Variants in RIMS3 observed in about 807,000 individuals in gnomAD.
The protein encoded by RIMS3 is regulating synaptic membrane exocytosis 3.
RIMS3 carries 15 observed loss-of-function variants against 29.2 expected under a neutral mutation model. The ratio of observed to expected loss-of-function variants is 0.51; its 90% confidence interval spans 0.34 to 0.79. RIMS3 has a LOEUF of 0.79. Ranked by LOEUF, RIMS3 falls within the 30% of genes least tolerant of loss-of-function variation. RIMS3 has a pLI of 0.01. For synonymous variants in RIMS3, 161 were observed against 170.1 expected (o/e 0.95, Z 0.41); for missense variants, 342 against 421.4 (o/e 0.81, Z 1.65).
Position 40,626,745 on chromosome 1 carries a change from G to C in RIMS3, c.715-16C>G, listed in dbSNP as rs770053981. 83 of 1,612,922 alleles carry C rather than the reference G, an allele frequency of 5.1e-5. 1 individual carries two copies. In the South Asian group the frequency reaches 8.6e-4, roughly 17 times the overall value. On this transcript the variant is annotated splice_polypyrimidine_tract_variant and intron_variant, in intron 7 of 7. Coordinates refer to ENST00000372684, the MANE Select transcript of RIMS3 (RefSeq NM_014747.3). The stretch of plus-strand genomic sequence containing the variant: ...AGACGATCACCTGCCAGGAGGAAGA[G>C]AGGGAGGGAGTGAGCCACCTCCCTG...
chr1:40,628,000 C>T (rs891812426), intron 7 of RIMS3, among the ~76,000 whole-genome samples: 4 of 152,186 alleles, frequency 2.6e-5, no homozygotes, highest in African/African-American at 9.7e-5. Flanking sequence ...GCCCAGACAG[C>T]CCCTGGCTCT....
chr1:40,670,615 A>G (rs1206006002), upstream of RIMS3, among the ~76,000 whole-genome samples: 16 of 47,794 alleles, frequency 3.3e-4, no homozygotes, highest in Admixed American at 4.0e-3. Context: ...TATATTTGAG[A>G]TGGAGTCTCA....
rs147027593 is a variant in RIMS3, at chr1:40,641,738, C to T, written c.188G>A (p.Ser63Asn). 2.5e-5 allele frequency: 40 copies of T among 1,614,032 alleles called. No homozygotes were observed. Among genetic ancestry groups the T allele is most frequent in the African/African-American group, 8.0e-5 (6 of 74,942 alleles). Residue 63 changes from serine (S) to asparagine (N), a missense_variant, in exon 3 of 8, where the codon AGC (serine) becomes AAC (asparagine). Ser to Asn is a conservative substitution (Grantham distance 46, BLOSUM62 1). Coordinates refer to ENST00000372684, the MANE Select transcript of RIMS3 (RefSeq NM_014747.3). ...MVAIVGLTQWSKSTLQLPQPE... is the reference protein window; with the variant it reads ...MVAIVGLTQWNKSTLQLPQPE... ...CTGCGGAAGCTGGAGTGTGCTCTTG[C>T]TCCACTGAGTCAGGCCCACGATGGC...
rs1642237887 is a variant in RIMS3 at position 40,654,193 on chromosome 1, G to A, written c.-206-6351C>T. ...CCCGCCCCTCCCCCGCGCCGCTGAC[G>A]AGGCCGGATCAATATTTCATGGGGG... is the stretch of plus-strand genomic sequence containing the variant. On this transcript the variant is annotated intron_variant, in intron 1 of 7. Coordinates refer to ENST00000372684, the MANE Select transcript of RIMS3 (RefSeq NM_014747.3). The surrounding 1 kb of genome is among the most constrained non-coding windows in gnomAD (Gnocchi z 5.3). 7.3e-6 allele frequency among the ~76,000 whole-genome samples: 1 copy of A among 136,760 alleles called. No homozygotes were observed. The highest frequency in any genetic ancestry group is 2.7e-5 in the African/African-American group (1 of 37,038). 89.7% of individuals were successfully genotyped at this position (136,760 alleles called of 152,430 possible).
At chr1:40,637,494 T>TCACACACACACA (rs1646527852) in intron 3 of RIMS3, among the ~76,000 whole-genome samples, 1 of 151,454 alleles carries the variant, frequency 6.6e-6, no homozygotes, top group African/African-American at 2.4e-5. Flanking sequence ...TCTGTCTCTC[T>TCACACACACACA]CATACACACA....
rs1481609717 is a variant in RIMS3 at position 40,654,091 on chromosome 1, C to A, written c.-206-6249G>T. 6.6e-6 allele frequency among the ~76,000 whole-genome samples: 1 copy of A among 151,844 alleles called. No homozygotes were observed. Among genetic ancestry groups the A allele is most frequent in the Non-Finnish European group, 1.5e-5 (1 of 67,930 alleles). On this transcript the variant is annotated intron_variant, in intron 1 of 7. Transcript: ENST00000372684. This position sits in a 1 kb window ranked among gnomAD's most constrained non-coding sequence, Gnocchi z 5.3. ...GGAGACACGGCAGTACCACGGACAG[C>A]GGCTGGCGACTCGCTCCCAGTCCCT...
intron 3 of RIMS3, among the ~76,000 whole-genome samples, chr1:40,640,663 C>T (rs1015488963): frequency 6.6e-6 from 1 of 152,152 alleles, no homozygotes; most frequent in African/African-American, 2.4e-5. Flanking sequence ...GTGAGGAGGT[C>T]TTGGTGGGGA....
Position 40,661,582 on chromosome 1 carries a change from C to A in RIMS3, c.-207+3812G>T, listed in dbSNP as rs573397491. ...AAACCAGCCCTGCTCCCACCCCCAGCCAGCCCTGGGCCCGGCCCAGAGTTG... is the reference window on the plus strand; with the variant it reads ...AAACCAGCCCTGCTCCCACCCCCAGACAGCCCTGGGCCCGGCCCAGAGTTG... On this transcript the variant is annotated intron_variant, in intron 1 of 7. Transcript: ENST00000372684. Among the ~76,000 whole-genome samples, 17 of 152,328 alleles carry A rather than the reference C, an allele frequency of 1.1e-4. No homozygotes were observed. The East Asian group carries it at 2.9e-3, about 26-fold the overall frequency.
At chr1:40,644,090 C>T (rs1646579123) in intron 2 of RIMS3, among the ~76,000 whole-genome samples, 1 of 152,130 alleles carries the variant, frequency 6.6e-6, no homozygotes. Flanking sequence ...CTCTCTCTGT[C>T]CTTCTCTTTC....
At chr1:40,664,640 C>T (rs1370703668) in intron 1 of RIMS3, among the ~76,000 whole-genome samples, 1 of 152,130 alleles carries the variant, frequency 6.6e-6, no homozygotes, top group Non-Finnish European at 1.5e-5. Context: ...TATGCCATTG[C>T]CCACCCCATT....
chr1:40,653,066 C>T (rs1642214494), intron 1 of RIMS3, among the ~76,000 whole-genome samples: 1 of 152,184 alleles, frequency 6.6e-6, no homozygotes, highest in Non-Finnish European at 1.5e-5. Flanking sequence ...AAAAGCCTGG[C>T]TTAAGGAGAA....
intron 4 of RIMS3, among the ~76,000 whole-genome samples, chr1:40,633,538 G>C (rs1273510747): frequency 7.2e-5 from 11 of 152,236 alleles, no homozygotes; most frequent in African/African-American, 2.7e-4. Context: ...CAGAGACATA[G>C]GTCAGAAATT....
chr1:40,674,280 A>G, the RIMS3 span, among the ~76,000 whole-genome samples: 3 of 152,206 alleles, frequency 2.0e-5, no homozygotes, highest in African/African-American at 4.8e-5. Context: ...GGAAATCTGG[A>G]ATCCTGAGCT....
At chr1:40,637,497 T>TACACACACACATACAC (rs1553143634) in intron 3 of RIMS3, among the ~76,000 whole-genome samples, 1 of 151,634 alleles carries the variant, frequency 6.6e-6, no homozygotes, top group African/African-American at 2.4e-5. Context: ...GTCTCTCTCA[T>TACACACACACATACAC]ACACACACAC....
the RIMS3 span, among the ~76,000 whole-genome samples, chr1:40,679,346 G>A: frequency 2.0e-5 from 3 of 152,242 alleles, no homozygotes; most frequent in Non-Finnish European, 4.4e-5. Flanking sequence ...GACCAAATAT[G>A]ACAGGAAGCC....
At position 40,622,518 on chromosome 1, in the gene RIMS3, A is replaced by C. The variant is rs1384614856; in HGVS notation, c.*3999T>G. On this transcript the variant is annotated 3_prime_UTR_variant, in exon 8 of 8. Transcript: ENST00000372684. ...TCTTTACATGTCAGGATACTGGAGA[A>C]GAAAACTCTGAGGAGTGGAAGAGAA... The C allele has an allele frequency of 6.6e-6, 1 of 152,316 alleles. No homozygotes were observed. Among genetic ancestry groups the C allele is most frequent in the Non-Finnish European group, 1.5e-5 (1 of 68,080 alleles). The allele number at this position is 152,316 out of a possible 1,614,324, so 9.4% of individuals were successfully genotyped here.
intron 5 of RIMS3, among the ~76,000 whole-genome samples, chr1:40,630,197 G>A (rs1322211538): frequency 6.6e-6 from 1 of 152,192 alleles, no homozygotes; most frequent in Non-Finnish European, 1.5e-5. Context: ...TGCATTACCA[G>A]TGGAGGGAGG....
chr1:40,633,259 C>G lies in RIMS3; in HGVS notation c.360-78G>C. On this transcript the variant is annotated intron_variant, in intron 4 of 7. Coordinates refer to ENST00000372684, the MANE Select transcript of RIMS3 (RefSeq NM_014747.3). ...AAAGTATAGCTGGCAGGCTGCCATG[C>G]TCTGGCCCTGGGGCCCTGGGCACGT... 5 of 1,190,996 alleles carry G rather than the reference C, an allele frequency of 4.2e-6. No individual in the cohort carries two copies. In the Admixed American group the frequency reaches 8.7e-5, roughly 21 times the overall value. The allele number at this position is 1,190,996 out of a possible 1,614,324, so 73.8% of individuals were successfully genotyped here. A position where few individuals can be genotyped will look rare whatever the true frequency, so the allele number is the denominator to read the frequency against.
chr1:40,645,076 A>C (rs1218742660), intron 2 of RIMS3, among the ~76,000 whole-genome samples: 5 of 152,096 alleles, frequency 3.3e-5, no homozygotes, highest in Non-Finnish European at 2.9e-5. Flanking sequence ...GCCTGGACCG[A>C]TCTCATTCGC....
Sources: allele counts gnomAD v4.1 joint callset (sites outside exome capture counted in the v4.1 genomes callset), GRCh38; gene constraint gnomAD v4.1.1; non-coding constraint Gnocchi (gnomAD v3.1); transcripts MANE v1.5; gene names NCBI Gene and HGNC (gene_info 2026-07-23, HGNC 2026-07-21).